PROM1: variants seen among roughly 807,000 people sequenced by gnomAD.
PROM1 encodes the protein prominin-1.
In PROM1, 105 loss-of-function variants were observed where a neutral mutation model predicts 116.9. The ratio of observed to expected loss-of-function variants is 0.90; its 90% CI spans 0.77 to 1.06. The LOEUF is 1.06. PROM1 is among the 50% of genes least tolerant of loss of function. The pLI, the probability that PROM1 is intolerant of heterozygous loss-of-function variation, is 0.00. For synonymous variants in PROM1, 393 were observed against 387.0 expected (o/e 1.02, Z -0.18); for missense variants, 1,122 against 1,045.2 (o/e 1.07, Z -1.01).
intron 2 of PROM1, among the ~76,000 whole-genome samples, chr4:16,068,140 CAT>C (rs1490570069): frequency 2.0e-5 from 3 of 152,096 alleles, no homozygotes; most frequent in Non-Finnish European, 4.4e-5. Context: ...CCTGGTGGCT[CAT>C]ATGTCACTGA....
intron 2 of PROM1, among the ~76,000 whole-genome samples, chr4:16,073,638 G>A (rs530818724): frequency 7.7e-6 from 1 of 129,974 alleles, no homozygotes; most frequent in Non-Finnish European, 1.8e-5. Flanking sequence ...GTCTGCCCTG[G>A]TCTACTGTTG....
In PROM1 at chr4:16,006,607, C is replaced by A. The variant is rs1209718198; in HGVS notation, c.1385G>T (p.Gly462Val). The A allele has an allele frequency of 1.9e-6, 3 of 1,609,700 alleles. No individual in the cohort carries two copies. Among genetic ancestry groups the A allele is most frequent in the Non-Finnish European group, 2.5e-6 (3 of 1,178,244 alleles). Residue 462 changes from glycine (G) to valine (V), a missense_variant, in exon 13 of 28, where the codon GGC (glycine) becomes GTC (valine). Coordinates refer to ENST00000447510, the MANE Select transcript of PROM1 (RefSeq NM_006017.3). ...GGTCGGGGTGGCATGCCTGTCATAGCCGCACACGCCACACAGTAAGCCCAG... is the reference window on the plus strand; with the variant it reads ...GGTCGGGGTGGCATGCCTGTCATAGACGCACACGCCACACAGTAAGCCCAG... ...YYLGLLCGVCGYDRHATPTTR... is the reference protein window; with the variant it reads ...YYLGLLCGVCVYDRHATPTTR...
chr4:16,059,958 T>A (rs1387199393), intron 2 of PROM1, among the ~76,000 whole-genome samples: 1 of 152,174 alleles, frequency 6.6e-6, no homozygotes, highest in African/African-American at 2.4e-5. Context: ...TCAAGCTGTA[T>A]GTTTAAAAAG....
chr4:16,083,540 G>C (rs1001453358), intron 1 of PROM1: 1 of 152,354 alleles, frequency 6.6e-6, no homozygotes, highest in Admixed American at 6.5e-5. Context: ...TAGGGTAAGG[G>C]GGGCGCAGAG....
At position 15,980,440 on chromosome 4, in the gene PROM1, G is replaced by T; in HGVS notation, c.2471C>A (p.Ser824Ter). The T allele has an allele frequency of 6.5e-7, 1 of 1,549,800 alleles. No individual in the cohort carries two copies. The highest frequency in any genetic ancestry group is 8.7e-7 in the Non-Finnish European group (1 of 1,144,714). ...KLAKYYRRMD[S>*]EDVYDDVETI... ...TACTTACTCATCGTACACGTCCTCC[G>T]AATCCATTCGACGATAGTACTTAGC... The change falls in exon 24 of 28, where the codon TCG becomes TAG. Residue 824 changes from serine to a stop codon, truncating the protein, a stop_gained. Coordinates refer to ENST00000447510, the MANE Select transcript of PROM1 (RefSeq NM_006017.3). LOFTEE classifies it high-confidence loss of function.
chr4:15,992,291 G>C lies in PROM1; in HGVS notation c.1868C>G (p.Ala623Gly). 6.2e-7 allele frequency: 1 copy of C among 1,613,886 alleles called. No homozygotes were observed. Among genetic ancestry groups the C allele is most frequent in the Non-Finnish European group, 8.5e-7 (1 of 1,179,850 alleles). ...AGRKNLQDFA[A>G]CGIDRMNYDS... The stretch of plus-strand genomic sequence containing the variant: ...ATAATTCATTCTGTCTATTCCACAA[G>C]CAGCAAAATCCTGAAGGTTTTTTCT... The change falls in exon 17 of 28, where the codon GCT becomes GGT. Residue 623 changes from alanine (A) to glycine (G), a missense_variant. By Grantham distance (60) the Ala-to-Gly change is moderately conservative. Transcript: ENST00000447510.
chr4:16,023,778 G>T (rs1165672746), intron 7 of PROM1, among the ~76,000 whole-genome samples: 1 of 152,176 alleles, frequency 6.6e-6, no homozygotes, highest in African/African-American at 2.4e-5. Context: ...GCTTTGACAC[G>T]CTAGATGTTG....
intron 2 of PROM1, among the ~76,000 whole-genome samples, chr4:16,056,602 T>C (rs1317309498): frequency 6.6e-6 from 1 of 151,546 alleles, no homozygotes; most frequent in Non-Finnish European, 1.5e-5. Context: ...GAAGACGATC[T>C]GTCCCTCTGA....
At chr4:16,002,060 T>C (rs1242670442) in intron 13 of PROM1, among the ~76,000 whole-genome samples, 3 of 151,920 alleles carry the variant, frequency 2.0e-5, no homozygotes, top group Admixed American at 6.6e-5. Context: ...GCAGGTGTGT[T>C]TGGAAGTTTG....
chr4:16,006,367 C>T (rs1442972493), intron 13 of PROM1, among the ~76,000 whole-genome samples, 171 bp downstream of exon 13: 3 of 152,130 alleles, frequency 2.0e-5, no homozygotes, highest in Non-Finnish European at 4.4e-5. Context: ...GACAGAAGTA[C>T]CCAAATCAAG....
rs2149270309 is a variant in PROM1 at position 16,012,809 on chromosome 4, T to G, written c.1141+466A>C. On this transcript the variant is annotated intron_variant, in intron 11 of 27. Transcript: ENST00000447510. ...TGGCGTGAACCCGGGAGGCGGAGCT[T>G]GCAGTGAGCCGAGATTGTGCCACTG... Among the ~76,000 whole-genome samples, 2 of 143,292 alleles carry G rather than the reference T, an allele frequency of 1.4e-5. 1 individual carries two copies. The highest frequency in any genetic ancestry group is 5.2e-5 in the African/African-American group (2 of 38,244). 94.0% of individuals were successfully genotyped at this position (143,292 alleles called of 152,430 possible).
intron 13 of PROM1, among the ~76,000 whole-genome samples, chr4:16,005,995 A>T (rs1725376732): frequency 6.6e-6 from 1 of 152,240 alleles, no homozygotes; most frequent in South Asian, 2.1e-4. Context: ...CTTCTGCCGC[A>T]GGCATACCTC....
chr4:16,034,774 T>C (rs1733596615), intron 4 of PROM1, among the ~76,000 whole-genome samples: 1 of 152,240 alleles, frequency 6.6e-6, no homozygotes, highest in Non-Finnish European at 1.5e-5. Flanking sequence ...ACACGAGTCT[T>C]GTTCCTGGGA....
At chr4:16,004,192 G>A (rs986257480) in intron 13 of PROM1, among the ~76,000 whole-genome samples, 4 of 152,168 alleles carry the variant, frequency 2.6e-5, no homozygotes, top group African/African-American at 9.7e-5. Flanking sequence ...CTGACTGGTT[G>A]CATTCAACAA....
intron 3 of PROM1, among the ~76,000 whole-genome samples, chr4:16,038,395 T>C (rs959417902): frequency 6.6e-6 from 1 of 152,186 alleles, no homozygotes; most frequent in African/African-American, 2.4e-5. Flanking sequence ...TTTTAGTTTT[T>C]ATTTATTTAT....
intron 5 of PROM1, among the ~76,000 whole-genome samples, chr4:16,028,082 G>C (rs1274980936): frequency 7.2e-6 from 1 of 139,598 alleles, no homozygotes. Flanking sequence ...TTGGGACACC[G>C]ACATGGGATA....
At chr4:16,064,826 G>A (rs560714067) in intron 2 of PROM1, among the ~76,000 whole-genome samples, 1 of 150,530 alleles carries the variant, frequency 6.6e-6, no homozygotes, top group African/African-American at 2.5e-5. Context: ...CTGGGAGGCA[G>A]AGGTTGCAGT....
chr4:16,077,846 T>C (rs1395993930), intron 1 of PROM1, among the ~76,000 whole-genome samples: 1 of 152,128 alleles, frequency 6.6e-6, no homozygotes, highest in African/African-American at 2.4e-5. Context: ...TACTCTGCCT[T>C]ATATTCTACT....
At chr4:16,023,956 C>T (rs1218496120) in intron 7 of PROM1, among the ~76,000 whole-genome samples, 2 of 152,226 alleles carry the variant, frequency 1.3e-5, no homozygotes, top group Non-Finnish European at 2.9e-5. Flanking sequence ...ACCGGTTTCT[C>T]TGAGGAGCTG....
Sources: allele counts gnomAD v4.1 joint callset (sites outside exome capture counted in the v4.1 genomes callset), GRCh38; gene constraint gnomAD v4.1.1; transcripts MANE v1.5; gene names NCBI Gene and HGNC (gene_info 2026-07-23, HGNC 2026-07-21).